Variants in LY96 observed in about 807,000 individuals in gnomAD.
LY96 encodes the protein myeloid differentiation protein-2.
Under a neutral mutation model 18.9 loss-of-function variants are expected in LY96, and 18 were observed. The observed-to-expected ratio is 0.95, with a 90% confidence interval of 0.66 to 1.41. The LOEUF (loss-of-function observed/expected upper bound fraction) is 1.41, where lower values mean the gene tolerates loss of function less well. Ranked by LOEUF, LY96 falls within the 40% of genes most tolerant of loss-of-function variation. The pLI, the probability that LY96 is intolerant of heterozygous loss-of-function variation, is 0.00. For missense variants in LY96, 175 were observed against 182.4 expected (o/e 0.96, Z 0.23); for synonymous variants, 66 against 62.6 (o/e 1.06, Z -0.26).
the LY96 span, among the ~76,000 whole-genome samples, chr8:74,043,405 G>T: frequency 6.6e-6 from 1 of 152,288 alleles, no homozygotes; most frequent in South Asian, 2.1e-4. Context: ...CTTTTGAGAG[G>T]TAAGATGCGA....
chr8:74,008,562 T>C (rs888571928), intron 2 of LY96, among the ~76,000 whole-genome samples: 7 of 152,176 alleles, frequency 4.6e-5, no homozygotes, highest in African/African-American at 1.7e-4. Flanking sequence ...AGGGCCTACA[T>C]GAAGGCAGCG....
the LY96 span, among the ~76,000 whole-genome samples, chr8:74,039,495 C>T: frequency 5.9e-4 from 90 of 152,152 alleles, 1 homozygote; most frequent in East Asian, 0.016. Flanking sequence ...GCCCGGGGGA[C>T]CACTACCATC....
chr8:74,017,416 T>A (rs1177768572), intron 3 of LY96, among the ~76,000 whole-genome samples: 1 of 152,076 alleles, frequency 6.6e-6, no homozygotes, highest in Non-Finnish European at 1.5e-5. Flanking sequence ...AAAGACCAAA[T>A]CTACATTTGA....
At chr8:74,073,779 T>C in the LY96 span, among the ~76,000 whole-genome samples, 1 of 151,754 alleles carries the variant, frequency 6.6e-6, no homozygotes, top group Non-Finnish European at 1.5e-5. Flanking sequence ...TTCTCCTGCC[T>C]CAGCCTCCTG....
chr8:74,064,781 A>G, the LY96 span, among the ~76,000 whole-genome samples: 1 of 152,240 alleles, frequency 6.6e-6, no homozygotes, highest in African/African-American at 2.4e-5. Flanking sequence ...CAACATGGTT[A>G]AGTCTCAAAA....
intron 1 of LY96, among the ~76,000 whole-genome samples, chr8:73,998,274 A>T (rs1816192059): frequency 6.6e-6 from 1 of 152,200 alleles, no homozygotes; most frequent in Non-Finnish European, 1.5e-5. Flanking sequence ...GGGTTTTAGG[A>T]TCTCTGTGCC....
the LY96 span, among the ~76,000 whole-genome samples, chr8:74,050,798 T>C: frequency 3.3e-5 from 5 of 152,132 alleles, no homozygotes; most frequent in East Asian, 9.7e-4. Flanking sequence ...CCGAGGCAGG[T>C]GGATCACGAG....
chr8:73,994,010 A>C (rs918120791), intron 1 of LY96, among the ~76,000 whole-genome samples: 27 of 151,760 alleles, frequency 1.8e-4, no homozygotes, highest in African/African-American at 5.1e-4. Flanking sequence ...ACTTTGAGAC[A>C]GTCTCATTCT....
At chr8:74,017,016 C>T (rs950516120) in intron 3 of LY96, among the ~76,000 whole-genome samples, 6 of 152,196 alleles carry the variant, frequency 3.9e-5, no homozygotes, top group East Asian at 1.9e-4. Flanking sequence ...CGCAGCTCCT[C>T]GCCAGCAACG....
intron 1 of LY96, among the ~76,000 whole-genome samples, chr8:74,002,042 C>T (rs1191642868): frequency 5.6e-3 from 153 of 27,236 alleles, no homozygotes; most frequent in African/African-American, 0.013. Flanking sequence ...TTCCTTCCTT[C>T]CTTCCTTCCT....
At chr8:74,047,868 C>T in the LY96 span, among the ~76,000 whole-genome samples, 2 of 149,570 alleles carry the variant, frequency 1.3e-5, no homozygotes, top group African/African-American at 5.0e-5. Flanking sequence ...TTAACCATTT[C>T]CCACTGTTTT....
chr8:74,095,788 A>G, the LY96 span, among the ~76,000 whole-genome samples: 977 of 152,116 alleles, frequency 6.4e-3, 8 homozygotes, highest in African/African-American at 0.022. Flanking sequence ...TGCCTTCCAC[A>G]TGCTCTTGGA....
chr8:73,993,021 AT>A (rs1213341344), intron 1 of LY96, among the ~76,000 whole-genome samples: 331 of 142,454 alleles, frequency 2.3e-3, no homozygotes, highest in Middle Eastern at 3.7e-3. Context: ...CACCCGGCTA[AT>A]TTTTTTTTTT....
chr8:74,091,293 C>T, the LY96 span, among the ~76,000 whole-genome samples: 1 of 152,220 alleles, frequency 6.6e-6, no homozygotes, highest in African/African-American at 2.4e-5. Context: ...CCACCTCTTG[C>T]AAGATTGCAT....
At chr8:74,047,050 C>T in the LY96 span, among the ~76,000 whole-genome samples, 4 of 151,986 alleles carry the variant, frequency 2.6e-5, no homozygotes, top group African/African-American at 7.3e-5. Context: ...TACAGGCACA[C>T]GCCACCACAC....
chr8:74,088,083 AAGAAT>A, the LY96 span, among the ~76,000 whole-genome samples: 17,443 of 120,224 alleles, frequency 0.15, 1,182 homozygotes, highest in East Asian at 0.18. Flanking sequence ...TCACTGAGAG[AAGAAT>A]AGAATAGAAT....
chr8:74,029,420 C>T (rs1429022793), downstream of LY96, among the ~76,000 whole-genome samples: 1 of 152,160 alleles, frequency 6.6e-6, no homozygotes, highest in South Asian at 2.1e-4. Context: ...ATGGGGGACC[C>T]AGTGGGAGGT....
chr8:74,089,855 T>C, the LY96 span, among the ~76,000 whole-genome samples: 2 of 151,900 alleles, frequency 1.3e-5, no homozygotes, highest in Non-Finnish European at 2.9e-5. Flanking sequence ...GCAAAGACCT[T>C]GAGGGAGTGT....
At chr8:74,007,553 T>C (rs1439817877) in intron 2 of LY96, among the ~76,000 whole-genome samples, 1 of 152,180 alleles carries the variant, frequency 6.6e-6, no homozygotes, top group Non-Finnish European at 1.5e-5. Context: ...GAGATACAAG[T>C]ACAAACTTGA....
Sources: allele counts gnomAD v4.1 joint callset (sites outside exome capture counted in the v4.1 genomes callset), GRCh38; gene constraint gnomAD v4.1.1; transcripts MANE v1.5; gene names NCBI Gene and HGNC (gene_info 2026-07-23, HGNC 2026-07-21).